GIGYF2: variants seen among roughly 807,000 people sequenced by gnomAD.
GIGYF2 encodes GRB10-interacting GYF protein 2.
In GIGYF2, 25 loss-of-function variants were observed where a neutral mutation model predicts 208.1. The ratio of observed to expected loss-of-function variants is 0.12; its 90% confidence interval spans 0.09 to 0.17. GIGYF2 has a LOEUF of 0.17. Ranked by LOEUF, GIGYF2 falls within the 10% of genes least tolerant of loss-of-function variation. GIGYF2 has a pLI of 1.00. For missense variants in GIGYF2, 1,302 were observed against 1,579.4 expected (o/e 0.82, Z 2.98); for synonymous variants, 534 against 543.8 (o/e 0.98, Z 0.25).
At chr2:232,704,350 G>A (rs1334120942) in intron 2 of GIGYF2, among the ~76,000 whole-genome samples, 1 of 152,136 alleles carries the variant, frequency 6.6e-6, no homozygotes, top group African/African-American at 2.4e-5. Context: ...TTTGGTGAAC[G>A]AGGCCAGTAG....
chr2:232,803,178 A>G (rs1700453016), intron 14 of GIGYF2, among the ~76,000 whole-genome samples: 1 of 152,240 alleles, frequency 6.6e-6, no homozygotes, highest in Admixed American at 6.5e-5. Context: ...GGCGTGAGCC[A>G]CTGTGCCCGG....
intron 27 of GIGYF2, among the ~76,000 whole-genome samples, chr2:232,848,788 G>A (rs1392395336): frequency 6.6e-6 from 1 of 152,182 alleles, no homozygotes; most frequent in Non-Finnish European, 1.5e-5. Flanking sequence ...GGGAATATAT[G>A]CCTTTAGCAT....
Position 232,767,234 on chromosome 2 carries a change from T to C in GIGYF2, c.532+5798T>C, listed in dbSNP as rs886055793. ...AAATGCTTTGTTGCCTAATTATCTT[T>C]TGCTTTATCTACTGTAGATTTTTTT... is the stretch of plus-strand genomic sequence containing the variant. On this transcript the variant is annotated intron_variant, in intron 8 of 28. Transcript: ENST00000373563. 6.6e-6 allele frequency: 1 copy of C among 152,200 alleles called. No individual in the cohort carries two copies. Among genetic ancestry groups the C allele is most frequent in the African/African-American group, 2.4e-5 (1 of 41,448 alleles). 9.4% of individuals were successfully genotyped at this position (152,200 alleles called of 1,614,324 possible). A position where few individuals can be genotyped will look rare whatever the true frequency, so the allele number is the denominator to read the frequency against.
rs1696653874 is a variant in GIGYF2, at chr2:232,715,856, ACCAAGTT to A, written c.-44+12368_-44+12374del. Among the ~76,000 whole-genome samples the A allele has an allele frequency of 2.0e-5, 3 of 151,040 alleles. No homozygotes were observed. The South Asian group carries it at 6.3e-4, about 32-fold the overall frequency. ...TTTTTAACCTTAAAATTCGTCTTAA[ACCAAGTT>A]AAAGTTGAAATGAGTGATAACTTTT... On this transcript the variant is annotated intron_variant, in intron 2 of 28. Transcript: ENST00000373563.
chr2:232,852,626 C>T (rs1690401734), intron 28 of GIGYF2, among the ~76,000 whole-genome samples: 1 of 152,016 alleles, frequency 6.6e-6, no homozygotes, highest in Admixed American at 6.6e-5. Context: ...TGCCTGAAAG[C>T]TGGGTTTGGG....
chr2:232,709,937 C>G (rs1417291947), intron 2 of GIGYF2, among the ~76,000 whole-genome samples: 2 of 151,692 alleles, frequency 1.3e-5, no homozygotes, highest in Admixed American at 1.3e-4. Context: ...TGGGCTCCAG[C>G]TGATTTTTAC....
intron 3 of GIGYF2, among the ~76,000 whole-genome samples, chr2:232,740,041 A>T (rs1574825172): frequency 6.6e-6 from 1 of 151,870 alleles, no homozygotes; most frequent in African/African-American, 2.4e-5. Context: ...TTACTTGAAC[A>T]CGGGAGGTGG....
chr2:232,776,132 CT>C (rs201750439), intron 8 of GIGYF2, among the ~76,000 whole-genome samples: 2 of 151,174 alleles, frequency 1.3e-5, no homozygotes, highest in African/African-American at 4.9e-5. Flanking sequence ...AAGAAAAAGA[CT>C]TTTTTTTTCC....
chr2:232,803,221 A>T (rs1700454179), intron 14 of GIGYF2, among the ~76,000 whole-genome samples: 1 of 152,192 alleles, frequency 6.6e-6, no homozygotes, highest in Non-Finnish European at 1.5e-5. Flanking sequence ...CTGATTCTAG[A>T]TACTAGTCCT....
Position 232,756,343 on chromosome 2 carries a change from T to C in GIGYF2, c.379+9T>C, listed in dbSNP as rs765776100. On this transcript the variant is annotated intron_variant, in intron 6 of 28. Transcript: ENST00000373563. Reference sequence around the variant, plus strand: ...TTCTTCAAGAGGGCGAGGTGAGCTTTCATATGAAAAAAGTAATAATGGAGG... The same window carrying C: ...TTCTTCAAGAGGGCGAGGTGAGCTTCCATATGAAAAAAGTAATAATGGAGG... 7.0e-7 allele frequency: 1 copy of C among 1,430,418 alleles called. No individual in the cohort carries two copies. The highest frequency in any genetic ancestry group is 9.6e-7 in the Non-Finnish European group (1 of 1,044,402). 88.6% of individuals were successfully genotyped at this position (1,430,418 alleles called of 1,614,324 possible). A position where few individuals can be genotyped will look rare whatever the true frequency, so the allele number is the denominator to read the frequency against.
At chr2:232,838,479 G>A (rs1042589592) in intron 22 of GIGYF2, among the ~76,000 whole-genome samples, 2 of 152,106 alleles carry the variant, frequency 1.3e-5, no homozygotes, top group African/African-American at 4.8e-5. Context: ...CTGCTGAAGC[G>A]GGCTTGAAAG....
chr2:232,846,564 AT>A (rs1219066181), intron 26 of GIGYF2, among the ~76,000 whole-genome samples: 1 of 152,234 alleles, frequency 6.6e-6, no homozygotes, highest in Non-Finnish European at 1.5e-5. Context: ...CAGTAAAGGA[AT>A]TAAAGAGTTC....
intron 18 of GIGYF2, among the ~76,000 whole-genome samples, chr2:232,813,187 CTTT>C (rs894736273): frequency 1.6e-5 from 2 of 123,868 alleles, no homozygotes; most frequent in African/African-American, 6.0e-5. Context: ...TCTTTGCTTT[CTTT>C]TTTTTTTTTT....
At chr2:232,730,230 G>T in intron 2 of GIGYF2, 1 of 1,046,480 alleles carries the variant, frequency 9.6e-7, no homozygotes, top group Non-Finnish European at 1.5e-6. Context: ...CTGAGGAGCA[G>T]CAGAAAGAGC....
At chr2:232,776,018 T>C (rs1297704352) in intron 8 of GIGYF2, among the ~76,000 whole-genome samples, 1 of 152,192 alleles carries the variant, frequency 6.6e-6, no homozygotes, top group Admixed American at 6.5e-5. Flanking sequence ...ACGATTAGGA[T>C]ACTCATCACT....
At chr2:232,827,776 A>C (rs1701294601) in intron 21 of GIGYF2, among the ~76,000 whole-genome samples, 1 of 152,188 alleles carries the variant, frequency 6.6e-6, no homozygotes, top group Admixed American at 6.5e-5. Context: ...TTAGATAATA[A>C]ATTTTAAACC....
intron 8 of GIGYF2, chr2:232,768,260 G>A (rs752863162): frequency 1.2e-6 from 2 of 1,613,758 alleles, no homozygotes; most frequent in African/African-American, 1.3e-5. Context: ...GGATATCCAG[G>A]TCAGTCCTGT....
rs2106440960 is a variant in GIGYF2 at position 232,858,911 on chromosome 2, A to G, written c.*2051A>G. The stretch of plus-strand genomic sequence containing the variant: ...TACCGCAGACACACCCACTCTGAAC[A>G]CACCCCTCCAGAGCTTGCCCACACC... On this transcript the variant is annotated 3_prime_UTR_variant, in exon 29 of 29. Coordinates refer to ENST00000373563, the MANE Select transcript of GIGYF2 (RefSeq NM_001103146.3). The G allele has an allele frequency of 5.1e-6, 1 of 197,980 alleles. No homozygotes were observed. The highest frequency in any genetic ancestry group is 1.4e-4 in the East Asian group (1 of 7,386). The allele number at this position is 197,980 out of a possible 1,614,324, so 12.3% of individuals were successfully genotyped here.
chr2:232,855,788 A>AC (rs1185339482), intron 28 of GIGYF2, among the ~76,000 whole-genome samples: 1 of 151,796 alleles, frequency 6.6e-6, no homozygotes, highest in Non-Finnish European at 1.5e-5. Flanking sequence ...CTCCATGGTA[A>AC]CCCCCCTGCC....
Sources: gnomAD v4.1 joint callset for allele counts (sites outside exome capture counted in the v4.1 genomes callset) on GRCh38, gnomAD v4.1.1 for gene constraint, MANE v1.5 for transcripts, NCBI Gene and HGNC (gene_info 2026-07-23, HGNC 2026-07-21) for gene names.